EFEMP1: variants seen among roughly 807,000 people sequenced by gnomAD.
The protein encoded by EFEMP1 is EGF-like fibulin extracellular matrix protein 1.
Under a neutral mutation model 65.7 loss-of-function variants are expected in EFEMP1, and 18 were observed. The observed-to-expected ratio is 0.27, with a 90% CI of 0.19 to 0.41. The LOEUF is 0.41. Ranked by LOEUF, EFEMP1 falls within the 10% of genes least tolerant of loss-of-function variation. EFEMP1 has a pLI of 1.00. For synonymous variants in EFEMP1, 237 were observed against 219.7 expected (o/e 1.08, Z -0.70); for missense variants, 469 against 624.8 (o/e 0.75, Z 2.66).
Position 55,912,949 on chromosome 2 carries a change from C to T in EFEMP1, c.517+4716G>A, listed in dbSNP as rs1042236225. 3.3e-5 allele frequency among the ~76,000 whole-genome samples: 5 copies of T among 152,138 alleles called. No individual in the cohort carries two copies. The South Asian group carries it at 8.3e-4, about 25-fold the overall frequency. Reference sequence around the variant, plus strand: ...GGTTCTAATGTCCAGGCATCCTACACATAAAACATCTAAAACAATGTAGAA... The same window carrying T: ...GGTTCTAATGTCCAGGCATCCTACATATAAAACATCTAAAACAATGTAGAA... On this transcript the variant is annotated intron_variant, in intron 5 of 11. Coordinates refer to ENST00000355426, the MANE Select transcript of EFEMP1 (RefSeq NM_001039348.3).
At chr2:55,888,323 T>C (rs1367053934) in intron 5 of EFEMP1, among the ~76,000 whole-genome samples, 2 of 150,500 alleles carry the variant, frequency 1.3e-5, no homozygotes, top group African/African-American at 2.4e-5. Context: ...TCTTTTTTTT[T>C]CCTTCTTAAA....
intron 5 of EFEMP1, among the ~76,000 whole-genome samples, chr2:55,887,046 A>G (rs1358449315): frequency 6.6e-6 from 1 of 152,222 alleles, no homozygotes; most frequent in Non-Finnish European, 1.5e-5. Flanking sequence ...ATATAAAAAG[A>G]TCTATTATTT....
chr2:55,876,529 A>G, intron 8 of EFEMP1, 94 bp downstream of exon 8: 1 of 1,537,446 alleles, frequency 6.5e-7, no homozygotes, highest in Non-Finnish European at 8.9e-7. Context: ...CCCATGGGTA[A>G]GCGTTTGTTT....
intron 9 of EFEMP1, among the ~76,000 whole-genome samples, chr2:55,872,126 C>T (rs532660814): frequency 6.6e-6 from 1 of 152,214 alleles, no homozygotes; most frequent in Non-Finnish European, 1.5e-5. Flanking sequence ...CTATGTCTGT[C>T]TCCCTTTACA....
chr2:55,912,862 A>T (rs1670530217), intron 5 of EFEMP1, among the ~76,000 whole-genome samples: 1 of 152,160 alleles, frequency 6.6e-6, no homozygotes. Flanking sequence ...TCTAGGTGGG[A>T]ATGTGAAAAG....
At chr2:55,890,475 T>G (rs918910030) in intron 5 of EFEMP1, among the ~76,000 whole-genome samples, 1 of 152,098 alleles carries the variant, frequency 6.6e-6, no homozygotes, top group Non-Finnish European at 1.5e-5. Context: ...CTAATTGACA[T>G]GTATAGAGCA....
At chr2:55,912,575 GT>G (rs1670516101) in intron 5 of EFEMP1, among the ~76,000 whole-genome samples, 1 of 152,144 alleles carries the variant, frequency 6.6e-6, no homozygotes, top group African/African-American at 2.4e-5. Context: ...TTACCCTTAT[GT>G]TTATAAAGAA....
chr2:55,875,817 C>A (rs950323828), intron 8 of EFEMP1, among the ~76,000 whole-genome samples: 1 of 151,982 alleles, frequency 6.6e-6, no homozygotes, highest in African/African-American at 2.4e-5. Flanking sequence ...GAATGCTTTG[C>A]ATTTCTGAAT....
In EFEMP1 at chr2:55,871,677, A is replaced by G. The variant is rs1668816253; in HGVS notation, c.1001-554T>C. Among the ~76,000 whole-genome samples the G allele has an allele frequency of 6.6e-6, 1 of 152,108 alleles. No homozygotes were observed. The highest frequency in any genetic ancestry group is 2.1e-4 in the South Asian group (1 of 4,828). ...TTTCCAAGCTGAGAAATCAGGAAGC[A>G]TAAACTATGGAGGGCAGCTTATCAT... On this transcript the variant is annotated intron_variant, in intron 9 of 11. Coordinates refer to ENST00000355426, the MANE Select transcript of EFEMP1 (RefSeq NM_001039348.3). This position sits in a 1 kb window ranked among gnomAD's most constrained non-coding sequence, Gnocchi z 4.2.
intron 5 of EFEMP1, among the ~76,000 whole-genome samples, chr2:55,916,716 G>T (rs1461227337): frequency 2.0e-5 from 3 of 152,204 alleles, no homozygotes; most frequent in African/African-American, 7.2e-5. Context: ...CTCTGGCAGG[G>T]AGAAAGGAGT....
chr2:55,900,298 C>T (rs528232500), intron 5 of EFEMP1, among the ~76,000 whole-genome samples: 2 of 152,032 alleles, frequency 1.3e-5, no homozygotes, highest in Non-Finnish European at 2.9e-5. Context: ...GGAATCAGAT[C>T]TGACTGCCCC....
intron 5 of EFEMP1, among the ~76,000 whole-genome samples, chr2:55,910,120 C>T (rs1376111466): frequency 6.6e-6 from 1 of 152,192 alleles, no homozygotes; most frequent in Non-Finnish European, 1.5e-5. Flanking sequence ...CATTTATATA[C>T]ATTGATTAGC....
intron 11 of EFEMP1, among the ~76,000 whole-genome samples, chr2:55,868,676 A>T (rs965472502): frequency 6.6e-6 from 1 of 152,118 alleles, no homozygotes; most frequent in Non-Finnish European, 1.5e-5. Context: ...TGGACCATGG[A>T]ATTAAGCACA....
intron 5 of EFEMP1, among the ~76,000 whole-genome samples, chr2:55,882,075 C>T (rs1669262735): frequency 6.6e-6 from 1 of 152,002 alleles, no homozygotes; most frequent in Non-Finnish European, 1.5e-5. Context: ...TGAATCCTTC[C>T]CTGAGATGTT....
chr2:55,887,568 A>T (rs1156354722), intron 5 of EFEMP1, among the ~76,000 whole-genome samples: 1 of 152,210 alleles, frequency 6.6e-6, no homozygotes, highest in Non-Finnish European at 1.5e-5. Flanking sequence ...CACCCTTCTG[A>T]AATTATCAGC....
intron 6 of EFEMP1, among the ~76,000 whole-genome samples, chr2:55,878,690 C>T (rs1669126490): frequency 7.2e-6 from 1 of 139,240 alleles, no homozygotes; most frequent in Non-Finnish European, 1.6e-5. Flanking sequence ...AACCTTTATG[C>T]TGGGCTCTTT....
chr2:55,894,277 ATTTAT>A (rs1669734787), intron 5 of EFEMP1, among the ~76,000 whole-genome samples: 1 of 152,142 alleles, frequency 6.6e-6, no homozygotes, highest in African/African-American at 2.4e-5. Context: ...AGCAACTTTT[ATTTAT>A]TTATTTTTTT....
rs1478449178 is a variant in EFEMP1, at chr2:55,867,800, C to G, written c.1321-566G>C. On this transcript the variant is annotated intron_variant, in intron 11 of 11. Transcript: ENST00000355426. The surrounding 1 kb of genome is among the most constrained non-coding windows in gnomAD (Gnocchi z 4.3). ...AAGCTTTTGAATGCCTGATGAGAGT[C>G]ACCAGGCATAAATGAAAGTTTTGTA... Among the ~76,000 whole-genome samples, 1 of 152,088 alleles carries G rather than the reference C, an allele frequency of 6.6e-6. No individual in the cohort carries two copies. Among genetic ancestry groups the G allele is most frequent in the East Asian group, 1.9e-4 (1 of 5,192 alleles).
Position 55,875,069 on chromosome 2 carries a change from T to C in EFEMP1, c.881-4A>G. The C allele has an allele frequency of 6.3e-7, 1 of 1,594,352 alleles. No individual in the cohort carries two copies. The highest frequency in any genetic ancestry group is 8.6e-7 in the Non-Finnish European group (1 of 1,168,428). On this transcript the variant is annotated splice_polypyrimidine_tract_variant and splice_region_variant and intron_variant, in intron 8 of 11. Coordinates refer to ENST00000355426, the MANE Select transcript of EFEMP1 (RefSeq NM_001039348.3). Reference sequence around the variant, plus strand: ...GAGGTTCTGCATTCATCAATGTCTGTTGAATTAGACAAGAGAAAGGACACA... The same window carrying C: ...GAGGTTCTGCATTCATCAATGTCTGCTGAATTAGACAAGAGAAAGGACACA...
Sources: gnomAD v4.1 joint callset for allele counts (sites outside exome capture counted in the v4.1 genomes callset) on GRCh38, gnomAD v4.1.1 for gene constraint, Gnocchi (gnomAD v3.1) non-coding constraint, MANE v1.5 for transcripts, NCBI Gene and HGNC (gene_info 2026-07-23, HGNC 2026-07-21) for gene names.